TRIM33: variants seen among roughly 807,000 people sequenced by gnomAD.
TRIM33 encodes E3 ubiquitin-protein ligase TRIM33.
In TRIM33, 20 loss-of-function variants were observed where a neutral mutation model predicts 125.4. The observed-to-expected ratio is 0.16, with a 90% CI of 0.11 to 0.23. TRIM33 has a LOEUF of 0.23. Among genes scored for constraint, TRIM33 ranks in the 10% least tolerant of loss-of-function variants. The pLI is 1.00. For synonymous variants in TRIM33, 564 were observed against 513.9 expected (o/e 1.10, Z -1.32); for missense variants, 920 against 1,411.4 (o/e 0.65, Z 5.58).
At chr1:114,507,317 A>G (rs1285139480) in intron 1 of TRIM33, among the ~76,000 whole-genome samples, 1 of 152,220 alleles carries the variant, frequency 6.6e-6, no homozygotes, top group Non-Finnish European at 1.5e-5. Context: ...ACAATGTCAC[A>G]GATGATGCTG....
intron 1 of TRIM33, among the ~76,000 whole-genome samples, chr1:114,500,681 A>G (rs1223541829): frequency 2.0e-5 from 3 of 151,910 alleles, no homozygotes; most frequent in South Asian, 2.1e-4. Context: ...ATACGTAGAG[A>G]GGGCAGTGAA....
intron 11 of TRIM33, among the ~76,000 whole-genome samples, chr1:114,421,033 T>C (rs1436405006): frequency 6.6e-6 from 1 of 152,122 alleles, no homozygotes; most frequent in African/African-American, 2.4e-5. Flanking sequence ...CAATGGAATA[T>C]ACTATACAGC....
At chr1:114,505,395 C>A (rs1652937115) in intron 1 of TRIM33, among the ~76,000 whole-genome samples, 1 of 152,088 alleles carries the variant, frequency 6.6e-6, no homozygotes. Flanking sequence ...ACTCCAGGGA[C>A]AAGAAATTCC....
intron 1 of TRIM33, chr1:114,468,192 A>G (rs1438755777): frequency 5.9e-6 from 1 of 170,336 alleles, no homozygotes; most frequent in East Asian, 1.8e-4. Context: ...CTATGTGCAC[A>G]CATTAATAAG....
chr1:114,511,180 C>G lies in TRIM33; in HGVS notation c.-104G>C, dbSNP rs1212401258. On this transcript the variant is annotated 5_prime_UTR_variant, in exon 1 of 20. Coordinates refer to ENST00000358465, the MANE Select transcript of TRIM33 (RefSeq NM_015906.4). ...CCGCAGCCGCAGCAAGAGCGGCAGC[C>G]GAGAGCTAGCGAGAGAGCGAACCAA... 6.1e-6 allele frequency: 6 copies of G among 989,902 alleles called. No homozygotes were observed. The highest frequency in any genetic ancestry group is 1.8e-4 in the East Asian group (2 of 11,262). The allele number at this position is 989,902 out of a possible 1,614,324, so 61.3% of individuals were successfully genotyped here.
At chr1:114,446,899 T>C (rs888640607) in intron 4 of TRIM33, among the ~76,000 whole-genome samples, 1 of 151,890 alleles carries the variant, frequency 6.6e-6, no homozygotes, top group Non-Finnish European at 1.5e-5. Flanking sequence ...TCTATAAAAA[T>C]TACAAAAATT....
chr1:114,400,368 T>A (rs530394585), intron 17 of TRIM33, among the ~76,000 whole-genome samples: 1 of 152,202 alleles, frequency 6.6e-6, no homozygotes, highest in Non-Finnish European at 1.5e-5. Flanking sequence ...CACGCCCGGC[T>A]AATTTTTATA....
intron 4 of TRIM33, among the ~76,000 whole-genome samples, chr1:114,457,412 A>T (rs1649691155): frequency 6.6e-6 from 1 of 152,222 alleles, no homozygotes; most frequent in Non-Finnish European, 1.5e-5. Flanking sequence ...AGAAAAAAAT[A>T]GCTACTACAG....
chr1:114,398,043 A>G (rs1243666640), intron 18 of TRIM33, 53 bp from the exon 19 acceptor site: 3 of 1,586,918 alleles, frequency 1.9e-6, no homozygotes, highest in East Asian at 4.5e-5. Flanking sequence ...AATCCTTTCT[A>G]AAGTTATGAG....
chr1:114,393,686 T>G lies in TRIM33; in HGVS notation c.*3962A>C, dbSNP rs1455300483. Reference sequence around the variant, plus strand: ...TAAAAGAAACCATTATATTCAAGAGTACGTGTTGAATCTGAAATGTCTATG... The same window carrying G: ...TAAAAGAAACCATTATATTCAAGAGGACGTGTTGAATCTGAAATGTCTATG... On this transcript the variant is annotated 3_prime_UTR_variant, in exon 20 of 20. Transcript: ENST00000358465. 1 of 213,980 alleles carries G rather than the reference T, an allele frequency of 4.7e-6. No individual in the cohort carries two copies. Among genetic ancestry groups the G allele is most frequent in the African/African-American group, 2.3e-5 (1 of 44,214 alleles). 13.3% of individuals were successfully genotyped at this position (213,980 alleles called of 1,614,324 possible).
At chr1:114,406,804 A>C in intron 14 of TRIM33, 137 bp downstream of exon 14, 1 of 778,658 alleles carries the variant, frequency 1.3e-6, no homozygotes, top group Non-Finnish European at 2.0e-6. Flanking sequence ...AGAAAAAGAG[A>C]TATCTGGCTT....
chr1:114,416,436 CTAACTA>C (rs1322352415), intron 11 of TRIM33, among the ~76,000 whole-genome samples: 13 of 152,028 alleles, frequency 8.6e-5, no homozygotes, highest in Non-Finnish European at 1.6e-4. Context: ...TTCTAGTTAC[CTAACTA>C]TATCACCATT....
At position 114,433,217 on chromosome 1, in the gene TRIM33, T is replaced by C. The variant is rs545711368; in HGVS notation, c.1040+400A>G. On this transcript the variant is annotated intron_variant, in intron 5 of 19. Transcript: ENST00000358465. ...TCATGTATTCATCTTATAATGCTAC[T>C]CATTAAGATAAGCACTGTTTTCAAT... Among the ~76,000 whole-genome samples the C allele has an allele frequency of 2.0e-5, 3 of 152,348 alleles. No individual in the cohort carries two copies. In the South Asian group the frequency reaches 6.2e-4, roughly 32 times the overall value.
chr1:114,451,041 A>G (rs1006455645), intron 4 of TRIM33, among the ~76,000 whole-genome samples: 38 of 152,172 alleles, frequency 2.5e-4, no homozygotes, highest in African/African-American at 8.9e-4. Flanking sequence ...GAAATGAAAA[A>G]GCGCCATTAC....
At chr1:114,433,027 A>G (rs1648062188) in intron 5 of TRIM33, among the ~76,000 whole-genome samples, 1 of 152,194 alleles carries the variant, frequency 6.6e-6, no homozygotes, top group Non-Finnish European at 1.5e-5. Context: ...TAAGAGTCAT[A>G]ACTTTGTTAA....
intron 4 of TRIM33, among the ~76,000 whole-genome samples, chr1:114,453,334 A>T (rs1649432430): frequency 6.6e-6 from 1 of 151,710 alleles, no homozygotes; most frequent in Non-Finnish European, 1.5e-5. Context: ...ACTGCACTCC[A>T]GCCTGGGCAA....
At position 114,493,261 on chromosome 1, in the gene TRIM33, G is replaced by A. The variant is rs997780590; in HGVS notation, c.526+17290C>T. On this transcript the variant is annotated intron_variant, in intron 1 of 19. Coordinates refer to ENST00000358465, the MANE Select transcript of TRIM33 (RefSeq NM_015906.4). Reference sequence around the variant, plus strand: ...TTTAATTGGGTTGTCTTTATTATCAGGCTGTGAGAGTTCTTTATATATTTC... The same window carrying A: ...TTTAATTGGGTTGTCTTTATTATCAAGCTGTGAGAGTTCTTTATATATTTC... Among the ~76,000 whole-genome samples, 5 of 152,162 alleles carry A rather than the reference G, an allele frequency of 3.3e-5. No individual in the cohort carries two copies. The South Asian group carries it at 1.0e-3, about 32-fold the overall frequency.
At chr1:114,410,682 T>C (rs1652525097) in intron 11 of TRIM33, among the ~76,000 whole-genome samples, 1 of 152,032 alleles carries the variant, frequency 6.6e-6, no homozygotes, top group Admixed American at 6.5e-5. Context: ...TTCACTTAAA[T>C]AGAAATGTAA....
chr1:114,417,971 T>C (rs1653040610), intron 11 of TRIM33, among the ~76,000 whole-genome samples: 1 of 152,198 alleles, frequency 6.6e-6, no homozygotes, highest in Non-Finnish European at 1.5e-5. Context: ...TTCCAACTTT[T>C]CTATCTATCA....
Sources: allele counts gnomAD v4.1 joint callset (sites outside exome capture counted in the v4.1 genomes callset), GRCh38; gene constraint gnomAD v4.1.1; transcripts MANE v1.5; gene names NCBI Gene and HGNC (gene_info 2026-07-23, HGNC 2026-07-21).